HS6ST2: variants seen among roughly 807,000 people sequenced by gnomAD.
HS6ST2 encodes heparan-sulfate 6-O-sulfotransferase 2.
In HS6ST2, 17 loss-of-function variants were observed where a neutral mutation model predicts 33.0. That is an observed-to-expected ratio of 0.52 (90% confidence interval 0.35 to 0.77). The LOEUF (loss-of-function observed/expected upper bound fraction) is 0.77, where lower values mean the gene tolerates loss of function less well. Ranked by LOEUF, HS6ST2 falls within the 30% of genes least tolerant of loss-of-function variation. HS6ST2 has a pLI of 0.01. For synonymous variants in HS6ST2, 248 were observed against 237.1 expected (o/e 1.05, Z -0.42); for missense variants, 519 against 551.7 (o/e 0.94, Z 0.59).
At chrX:132,886,986 T>C (rs1420914869) in intron 2 of HS6ST2, among the ~76,000 whole-genome samples, 1 of 110,250 alleles carries the variant, frequency 9.1e-6, no homozygotes, top group Non-Finnish European at 1.9e-5. Flanking sequence ...AATACAAAAA[T>C]TAGCTGAGCG....
chrX:132,933,146 G>A (rs1382075359), intron 2 of HS6ST2, among the ~76,000 whole-genome samples: 1 of 109,049 alleles, frequency 9.2e-6, no homozygotes, highest in African/African-American at 3.3e-5. Flanking sequence ...TGGCCAACAT[G>A]GTGAAACCCC....
At chrX:132,954,708 C>T (rs912567397) in intron 2 of HS6ST2, among the ~76,000 whole-genome samples, 9 of 112,198 alleles carry the variant, frequency 8.0e-5, no homozygotes, top group African/African-American at 2.9e-4. Context: ...TTTGCAAACA[C>T]CGTAAAATCC....
chrX:132,737,797 G>A (rs2064523136), intron 2 of HS6ST2, among the ~76,000 whole-genome samples: 1 of 112,613 alleles, frequency 8.9e-6, no homozygotes, highest in African/African-American at 3.2e-5. Context: ...AGCCAGGGCA[G>A]GCAAGTGCCC....
chrX:132,866,156 A>G (rs1191071669), intron 2 of HS6ST2, among the ~76,000 whole-genome samples: 1 of 110,998 alleles, frequency 9.0e-6, no homozygotes, highest in East Asian at 2.8e-4. Context: ...TGATTTTTGT[A>G]TAAGGTGTAA....
chrX:132,638,473 G>A (rs951365772), intron 4 of HS6ST2, among the ~76,000 whole-genome samples: 4 of 111,935 alleles, frequency 3.6e-5, no homozygotes, highest in African/African-American at 1.3e-4. Flanking sequence ...GCCTGTAGAT[G>A]TGTTGTTTTT....
chrX:132,840,858 T>C (rs1440475444), intron 2 of HS6ST2, among the ~76,000 whole-genome samples: 2 of 112,515 alleles, frequency 1.8e-5, no homozygotes, highest in Non-Finnish European at 3.8e-5. Flanking sequence ...CCCTCTCATA[T>C]ATAATGCATA....
At chrX:132,631,529 C>T (rs142451672) in intron 4 of HS6ST2, among the ~76,000 whole-genome samples, 1 of 110,494 alleles carries the variant, frequency 9.1e-6, no homozygotes, top group Non-Finnish European at 1.9e-5. Context: ...TAGTACTCAT[C>T]CATTCAGTGC....
Position 132,819,843 on chromosome X carries a change from G to C in HS6ST2, c.948-111349C>G, listed in dbSNP as rs140819352. ...ATATATGATAGCATGAGTCCTTAAC[G>C]CCAAGACTGCAACAAAACACACCGA... On this transcript the variant is annotated intron_variant, in intron 2 of 4. Coordinates refer to ENST00000370833, the MANE Select transcript of HS6ST2 (RefSeq NM_001394073.1). Among the ~76,000 whole-genome samples, 248 of 112,184 alleles carry C rather than the reference G, an allele frequency of 2.2e-3. 1 individual carries two copies. Among genetic ancestry groups the C allele is most frequent in the African/African-American group, 7.5e-3 (232 of 30,928 alleles).
chrX:132,772,039 A>G (rs970612895), intron 2 of HS6ST2, among the ~76,000 whole-genome samples: 2 of 111,884 alleles, frequency 1.8e-5, no homozygotes, highest in African/African-American at 6.5e-5. Context: ...TATAAATGGT[A>G]AATTGTTGTA....
At chrX:132,870,630 T>C (rs973667540) in intron 2 of HS6ST2, among the ~76,000 whole-genome samples, 2 of 112,000 alleles carry the variant, frequency 1.8e-5, no homozygotes, top group Non-Finnish European at 3.8e-5. Context: ...TACAGCCATC[T>C]GATTTTGACA....
intron 2 of HS6ST2, among the ~76,000 whole-genome samples, chrX:132,766,703 C>A (rs2064851332): frequency 8.9e-6 from 1 of 111,835 alleles, no homozygotes; most frequent in Admixed American, 9.5e-5. Flanking sequence ...CATTTTCATA[C>A]CACCAATTCT....
intron 4 of HS6ST2, among the ~76,000 whole-genome samples, chrX:132,660,586 A>G (rs1046959489): frequency 9.0e-6 from 1 of 111,293 alleles, no homozygotes; most frequent in African/African-American, 3.3e-5. Flanking sequence ...AATAGGATCT[A>G]CTTTTCTCTG....
At chrX:132,759,858 T>C (rs762305944) in intron 2 of HS6ST2, among the ~76,000 whole-genome samples, 1 of 111,971 alleles carries the variant, frequency 8.9e-6, no homozygotes, top group African/African-American at 3.2e-5. Flanking sequence ...GGCCAGGCAC[T>C]GTACTAAATT....
In HS6ST2 at chrX:132,894,831, C is replaced by T. The variant is rs907838256; in HGVS notation, c.947+61977G>A. 9.8e-5 allele frequency among the ~76,000 whole-genome samples: 11 copies of T among 112,052 alleles called. No homozygotes were observed. The East Asian group carries it at 2.8e-3, about 29-fold the overall frequency. On this transcript the variant is annotated intron_variant, in intron 2 of 4. Transcript: ENST00000370833. ...GATTACAGGCATGAGCCACTGAGCC[C>T]GGCCTATTTTTATAATATAAAAGAT...
At chrX:132,674,234 A>G (rs2085276808) in intron 3 of HS6ST2, among the ~76,000 whole-genome samples, 1 of 111,871 alleles carries the variant, frequency 8.9e-6, no homozygotes, top group Non-Finnish European at 1.9e-5. Context: ...TTTTATTGCT[A>G]TGAAGCCCAG....
intron 2 of HS6ST2, among the ~76,000 whole-genome samples, chrX:132,771,861 C>G (rs748381768): frequency 3.6e-5 from 4 of 111,490 alleles, no homozygotes; most frequent in African/African-American, 6.5e-5. Flanking sequence ...TTTATGAGAG[C>G]CTTTGGCATA....
At chrX:132,934,897 A>C (rs1196870054) in intron 2 of HS6ST2, among the ~76,000 whole-genome samples, 1 of 111,737 alleles carries the variant, frequency 8.9e-6, no homozygotes, top group Non-Finnish European at 1.9e-5. Context: ...ATAGAAAAAG[A>C]TAGAAATCAT....
intron 2 of HS6ST2, among the ~76,000 whole-genome samples, chrX:132,828,134 A>C (rs1009578914): frequency 1.8e-5 from 2 of 110,932 alleles, no homozygotes; most frequent in African/African-American, 6.6e-5. Context: ...CAAGCACTTC[A>C]TACCCTCTGT....
At chrX:132,692,905 T>C (rs2064077452) in intron 3 of HS6ST2, among the ~76,000 whole-genome samples, 2 of 111,995 alleles carry the variant, frequency 1.8e-5, no homozygotes, top group Non-Finnish European at 3.8e-5. Context: ...TTCCCCCAAC[T>C]CCTTTACACC....
Sources: allele counts gnomAD v4.1 joint callset (sites outside exome capture counted in the v4.1 genomes callset), GRCh38; gene constraint gnomAD v4.1.1; transcripts MANE v1.5; gene names NCBI Gene and HGNC (gene_info 2026-07-23, HGNC 2026-07-21).